Variants in PRKCD observed in about 807,000 individuals in gnomAD.
The protein encoded by PRKCD is protein kinase C delta.
In PRKCD, 20 loss-of-function variants were observed where a neutral mutation model predicts 82.2. The observed-to-expected ratio is 0.24, with a 90% CI of 0.17 to 0.35. The LOEUF is 0.35. Among genes scored for constraint, PRKCD ranks in the 10% least tolerant of loss-of-function variants. PRKCD has a pLI of 1.00. For missense variants in PRKCD, 607 were observed against 899.0 expected (o/e 0.68, Z 4.15); for synonymous variants, 317 against 337.0 (o/e 0.94, Z 0.65).
intron 14 of PRKCD, 69 bp downstream of exon 14, chr3:53,186,764 A>C: frequency 7.0e-7 from 1 of 1,424,296 alleles, no homozygotes. Flanking sequence ...GCCCACTTCC[A>C]GTCTGCCCTC....
intron 2 of PRKCD, among the ~76,000 whole-genome samples, chr3:53,176,393 TCTGAGCTGGGAG>T (rs1159340323): frequency 6.6e-6 from 1 of 152,248 alleles, no homozygotes; most frequent in African/African-American, 2.4e-5. Context: ...TGTGAGCTCA[TCTGAGCTGGGAG>T]CTCCCAGCAG....
chr3:53,186,543 C>T, intron 13 of PRKCD, 61 bp from the exon 14 acceptor site: 1 of 1,489,060 alleles, frequency 6.7e-7, no homozygotes, highest in South Asian at 1.2e-5. Flanking sequence ...GCCCCAGTGG[C>T]CCTCAGTGAG....
At position 53,186,615 on chromosome 3, in the gene PRKCD, C is replaced by T. The variant is rs1559629861; in HGVS notation, c.1272C>T (p.Phe424=). ...CCTTCCCACCCCAGGACCACCTGTT[C>T]TTTGTGATGGAGTTCCTCAACGGGG... ...ICTFQTKDHL[F]FVMEFLNGGD... The change falls in exon 14 of 19, where the codon TTC becomes TTT. Residue 424 remains phenylalanine, a synonymous_variant. Transcript: ENST00000330452. The T allele has an allele frequency of 1.2e-6, 2 of 1,613,328 alleles. No homozygotes were observed. Among genetic ancestry groups the T allele is most frequent in the Non-Finnish European group, 1.7e-6 (2 of 1,179,522 alleles).
In PRKCD at chr3:53,171,753, AT is replaced by A. The variant is rs558442829; in HGVS notation, c.-20+6539del. Among the ~76,000 whole-genome samples, 530 of 152,304 alleles carry A rather than the reference AT, an allele frequency of 3.5e-3. 4 individuals carry two copies. Among genetic ancestry groups the A allele is most frequent in the African/African-American group, 0.012 (506 of 41,558 alleles). ...CTGAGGGAACAACATCTGCAAAAAT[AT>A]GGGGGCTGGGAAATGAGACATATGT... On this transcript the variant is annotated intron_variant, in intron 2 of 18. Transcript: ENST00000330452.
rs542869529 is a variant in PRKCD, at chr3:53,164,076, G to T, written c.-131-1028G>T. Among the ~76,000 whole-genome samples the T allele has an allele frequency of 2.6e-5, 4 of 152,302 alleles. 1 individual carries two copies. The East Asian group carries it at 5.8e-4, about 22-fold the overall frequency. On this transcript the variant is annotated intron_variant, in intron 1 of 18. Transcript: ENST00000330452. ...TGATGGGGGTCTCCAGCTGGGGGAG[G>T]GGTTCACATCTGGGGAGCAGAATCT...
intron 2 of PRKCD, among the ~76,000 whole-genome samples, chr3:53,167,841 C>T (rs530121711): frequency 6.6e-6 from 1 of 152,294 alleles, no homozygotes; most frequent in East Asian, 1.9e-4. Flanking sequence ...CTCCCTCATC[C>T]CCCTCAATTC....
chr3:53,174,773 T>C (rs1209682310), intron 2 of PRKCD, among the ~76,000 whole-genome samples: 3 of 152,206 alleles, frequency 2.0e-5, no homozygotes. Context: ...GACGCTATGG[T>C]TACTGCTGGT....
chr3:53,185,866 C>G (rs563867758), intron 11 of PRKCD, 61 bp from the exon 12 acceptor site: 1 of 1,580,974 alleles, frequency 6.3e-7, no homozygotes, highest in South Asian at 1.1e-5. Context: ...CCCCAGGCCC[C>G]GGGGGAGGGG....
chr3:53,181,635 G>A (rs782476055), intron 6 of PRKCD, 29 bp downstream of exon 6: 2 of 1,613,730 alleles, frequency 1.2e-6, no homozygotes, highest in African/African-American at 2.7e-5. Flanking sequence ...CACTGGTGGT[G>A]GTGCAGGGTA....
chr3:53,190,096 T>A (rs1324969988), intron 18 of PRKCD, 95 bp downstream of exon 18: 25 of 1,528,998 alleles, frequency 1.6e-5, no homozygotes, highest in Non-Finnish European at 2.2e-5. Context: ...CACCTCTCCC[T>A]TCTTCCAGCA....
intron 17 of PRKCD, 70 bp downstream of exon 17, chr3:53,189,316 T>C (rs942895664): frequency 2.6e-5 from 38 of 1,463,546 alleles, no homozygotes; most frequent in African/African-American, 5.6e-5. Context: ...CACTGGGCTT[T>C]GGGTGAGGAG....
chr3:53,181,437 T>A lies in PRKCD; in HGVS notation c.377-7T>A, dbSNP rs372103939. 7 of 1,614,106 alleles carry A rather than the reference T, an allele frequency of 4.3e-6. No homozygotes were observed. The highest frequency in any genetic ancestry group is 5.1e-6 in the Non-Finnish European group (6 of 1,179,982). Reference sequence around the variant, plus strand: ...CAGGGCTGACTTCCCTACTCCATGGTCACCAGATTGCAAACAGTCTATGCG... The same window carrying A: ...CAGGGCTGACTTCCCTACTCCATGGACACCAGATTGCAAACAGTCTATGCG... On this transcript the variant is annotated splice_region_variant and splice_polypyrimidine_tract_variant and intron_variant, in intron 5 of 18. Coordinates refer to ENST00000330452, the MANE Select transcript of PRKCD (RefSeq NM_006254.4).
At chr3:53,188,967 C>A (rs751366608) in intron 16 of PRKCD, 91 bp from the exon 17 acceptor site, 63 of 1,573,858 alleles carry the variant, frequency 4.0e-5, no homozygotes, top group Non-Finnish European at 5.3e-5. Context: ...AGCCCATAGG[C>A]TGAGGCGGCC....
chr3:53,181,461 C>CGCAGT lies in PRKCD; in HGVS notation c.396_400dup (p.Glu134AlafsTer11), dbSNP rs1703438164. ...GTCACCAGATTGCAAACAGTCTATG[C>CGCAGT]GCAGTGAGGACGAGGCCAAGTTCCC... On this transcript the variant is annotated frameshift_variant, in exon 6 of 19. Coordinates refer to ENST00000330452, the MANE Select transcript of PRKCD (RefSeq NM_006254.4). LOFTEE classifies it high-confidence loss of function. 6.2e-7 allele frequency: 1 copy of CGCAGT among 1,614,022 alleles called. No homozygotes were observed. Among genetic ancestry groups the CGCAGT allele is most frequent in the Non-Finnish European group, 8.5e-7 (1 of 1,180,012 alleles).
Position 53,181,470 on chromosome 3 carries a change from G to A in PRKCD, c.403G>A (p.Asp135Asn). The A allele has an allele frequency of 6.2e-7, 1 of 1,614,180 alleles. No individual in the cohort carries two copies. The highest frequency in any genetic ancestry group is 1.3e-5 in the African/African-American group (1 of 75,036). The change falls in exon 6 of 19, where the codon GAC becomes AAC. Residue 135 changes from aspartate to asparagine, a missense_variant. Around this residue, in one of 5 missense-constraint regions of PRKCD, gnomAD observed 161 missense variants for 227.0 expected, o/e 0.71. Coordinates refer to ENST00000330452, the MANE Select transcript of PRKCD (RefSeq NM_006254.4). ...TTGCAAACAGTCTATGCGCAGTGAG[G>A]ACGAGGCCAAGTTCCCAACGATGAA... ...VDCKQSMRSE[D>N]EAKFPTMNRR...
rs782227563 is a variant in PRKCD at position 53,185,894 on chromosome 3, C to A, written c.986-33C>A. ...GGGAGGGGAGTTGTGTAGACTGAGACCCCGATCTGAGGAGGTGCCATCTCT... is the reference window on the plus strand; with the variant it reads ...GGGAGGGGAGTTGTGTAGACTGAGAACCCGATCTGAGGAGGTGCCATCTCT... On this transcript the variant is annotated intron_variant, in intron 11 of 18. Transcript: ENST00000330452. The A allele has an allele frequency of 5.0e-6, 8 of 1,608,654 alleles. No individual in the cohort carries two copies. The South Asian group carries it at 7.7e-5, about 15-fold the overall frequency.
At chr3:53,189,678 C>T (rs1703851884) in intron 17 of PRKCD, among the ~76,000 whole-genome samples, 195 bp from the exon 18 acceptor site, 1 of 152,202 alleles carries the variant, frequency 6.6e-6, no homozygotes, top group Non-Finnish European at 1.5e-5. Flanking sequence ...CGCAGATGTC[C>T]AGCCCAGAGC....
chr3:53,181,958 A>G (rs1553667724), intron 7 of PRKCD: 1 of 728,478 alleles, frequency 1.4e-6, no homozygotes, highest in Admixed American at 2.0e-5. Flanking sequence ...AGTGACGGGG[A>G]GTTGGTGGAT....
At chr3:53,191,538 A>G (rs1003115716) in intron 18 of PRKCD, among the ~76,000 whole-genome samples, 3 of 152,248 alleles carry the variant, frequency 2.0e-5, no homozygotes, top group African/African-American at 7.2e-5. Flanking sequence ...CGGTCTTTCT[A>G]TATTACCATC....
Sources: allele counts gnomAD v4.1 joint callset (sites outside exome capture counted in the v4.1 genomes callset), GRCh38; gene constraint gnomAD v4.1.1; regional missense constraint gnomAD v4.1.1; transcripts MANE v1.5; gene names NCBI Gene and HGNC (gene_info 2026-07-23, HGNC 2026-07-21).